DIO2: variants seen among roughly 807,000 people sequenced by gnomAD.
DIO2 encodes the protein type II iodothyronine deiodinase.
A neutral mutation model predicts 21.4 loss-of-function variants in DIO2; 19 were observed. The observed-to-expected ratio is 0.89, with a 90% CI of 0.62 to 1.30. The LOEUF is 1.30. DIO2 is among the 50% of genes most tolerant of loss of function. The pLI, the probability that DIO2 is intolerant of heterozygous loss-of-function variation, is 0.00. For synonymous variants in DIO2, 122 were observed against 132.9 expected (o/e 0.92, Z 0.57); for missense variants, 302 against 338.1 (o/e 0.89, Z 0.84).
upstream of DIO2, among the ~76,000 whole-genome samples, chr14:80,215,718 A>G (rs1353565055): frequency 2.0e-5 from 3 of 152,256 alleles, no homozygotes; most frequent in Non-Finnish European, 4.4e-5. Context: ...ATTTGAGAAT[A>G]TGGTTGCCAT....
chr14:80,228,203 C>T (rs748615668), intron 2 of DIO2, among the ~76,000 whole-genome samples: 9 of 152,208 alleles, frequency 5.9e-5, no homozygotes, highest in South Asian at 2.1e-4. Context: ...AGTTGATATA[C>T]CCCTGAAGTA....
Position 80,202,722 on chromosome 14 carries a change from G to A in DIO2, c.789C>T (p.Ser263=). The change falls in exon 2 of 2, where the codon AGC becomes AGT. Residue 263 remains serine, a synonymous_variant. Coordinates refer to ENST00000438257, the MANE Select transcript of DIO2 (RefSeq NM_013989.5). ...EVRHWLEKNF[S]KRUKKTRLAG ...CTAATCTAGTTTTCTTTCATCTCTT[G>A]CTGAAATTCTTCTCCAGCCAATGCC... The A allele has an allele frequency of 6.2e-7, 1 of 1,613,542 alleles. No homozygotes were observed. The highest frequency in any genetic ancestry group is 8.5e-7 in the Non-Finnish European group (1 of 1,179,710).
intron 2 of DIO2, among the ~76,000 whole-genome samples, chr14:80,219,756 G>A (rs1426980686): frequency 6.6e-6 from 1 of 152,114 alleles, no homozygotes; most frequent in East Asian, 1.9e-4. Context: ...CCAAATCTGT[G>A]TGAAGCCAGA....
chr14:80,223,287 A>G (rs2140020313), intron 2 of DIO2, among the ~76,000 whole-genome samples: 1 of 152,320 alleles, frequency 6.6e-6, no homozygotes, highest in South Asian at 2.1e-4. Context: ...TTGGCTTAAC[A>G]TATAGCCCCT....
chr14:80,212,557 C>A (rs766990342), upstream of DIO2, among the ~76,000 whole-genome samples: 1 of 152,046 alleles, frequency 6.6e-6, no homozygotes, highest in Non-Finnish European at 1.5e-5. Flanking sequence ...TCCTGGAAGG[C>A]AGGTAGAAAA....
rs550599606 is a variant in DIO2, at chr14:80,210,741, C to T, written c.222+510G>A. 6.4e-4 allele frequency among the ~76,000 whole-genome samples: 98 copies of T among 152,236 alleles called. 3 individuals are homozygous for T. In the South Asian group the frequency reaches 0.02, roughly 31 times the overall value. On this transcript the variant is annotated intron_variant, in intron 1 of 1. Coordinates refer to ENST00000438257, the MANE Select transcript of DIO2 (RefSeq NM_013989.5). Reference sequence around the variant, plus strand: ...TACCAGAAACCAAGCAGCTATGATGCCCAATCACAATTTCTATGACCACTT... The same window carrying T: ...TACCAGAAACCAAGCAGCTATGATGTCCAATCACAATTTCTATGACCACTT...
intron 1 of DIO2, among the ~76,000 whole-genome samples, chr14:80,204,092 A>T (rs954736271): frequency 4.6e-5 from 7 of 151,998 alleles, no homozygotes; most frequent in South Asian, 2.1e-4. Context: ...TTGTTTTTTT[A>T]AATGCCCTGA....
intron 1 of DIO2, chr14:80,205,755 A>C (rs1281294401): frequency 7.9e-7 from 1 of 1,264,544 alleles, no homozygotes; most frequent in African/African-American, 1.6e-5. Context: ...AAAAATTAGG[A>C]AAGTTACCAA....
At chr14:80,213,495 G>A (rs150554032), upstream of DIO2, among the ~76,000 whole-genome samples, 637 of 152,222 alleles carry the variant, frequency 4.2e-3, 1 homozygote, top group African/African-American at 0.015. Flanking sequence ...GCATATTAAT[G>A]CATTTTGTTT....
intron 2 of DIO2, among the ~76,000 whole-genome samples, chr14:80,225,199 T>C (rs963889557): frequency 2.0e-5 from 3 of 152,094 alleles, no homozygotes; most frequent in African/African-American, 7.2e-5. Flanking sequence ...GAACAATACT[T>C]TGCATCCTTC....
chr14:80,221,216 G>A (rs1888457118), intron 2 of DIO2, among the ~76,000 whole-genome samples: 1 of 152,156 alleles, frequency 6.6e-6, no homozygotes, highest in East Asian at 1.9e-4. Context: ...TGGTATTATT[G>A]TCTACAGAAA....
intron 2 of DIO2, among the ~76,000 whole-genome samples, chr14:80,223,473 A>G (rs1414476741): frequency 1.3e-5 from 2 of 152,232 alleles, no homozygotes; most frequent in Non-Finnish European, 2.9e-5. Context: ...TGAAGGAATT[A>G]TACTACAATA....
chr14:80,211,509 T>C (rs777006473), upstream of DIO2: 3 of 1,243,738 alleles, frequency 2.4e-6, no homozygotes, highest in Non-Finnish European at 3.2e-6. Flanking sequence ...TTGTGCGCTC[T>C]GGTTCCCCTT....
chr14:80,211,520 C>T, upstream of DIO2: 1 of 1,312,446 alleles, frequency 7.6e-7, no homozygotes, highest in South Asian at 1.4e-5. Flanking sequence ...GGTTCCCCTT[C>T]ACCCTCTTAT....
chr14:80,211,440 T>G lies in DIO2; in HGVS notation c.33A>C (p.Thr11=). ...AGAAAAAAACTGGCAGAATTTGCAG[T>G]GTGATCAGCAAGTCTACGCTGAGGA... The part of the protein sequence containing the change: MGILSVDLLI[T]LQILPVFFSN... The change falls in exon 1 of 2, where the codon ACA becomes ACC. Residue 11 remains threonine, a synonymous_variant. Transcript: ENST00000438257. 6.2e-7 allele frequency: 1 copy of G among 1,612,026 alleles called. No individual in the cohort carries two copies. Among genetic ancestry groups the G allele is most frequent in the Non-Finnish European group, 8.5e-7 (1 of 1,179,280 alleles).
intron 2 of DIO2, among the ~76,000 whole-genome samples, chr14:80,218,198 C>A (rs1888394167): frequency 6.6e-6 from 1 of 151,286 alleles, no homozygotes; most frequent in African/African-American, 2.4e-5. Context: ...AACAAACAAA[C>A]AAACAAAAAC....
At chr14:80,205,936 C>T (rs225010) in intron 1 of DIO2, among the ~76,000 whole-genome samples, 77,271 of 151,844 alleles carry the variant, frequency 0.51, 20,649 homozygotes, top group East Asian at 0.74. Context: ...ATTTGGGTGA[C>T]GGATAAGCTC....
chr14:80,228,841 A>G (rs897782046), intron 2 of DIO2, among the ~76,000 whole-genome samples: 1 of 152,164 alleles, frequency 6.6e-6, no homozygotes, highest in Admixed American at 6.6e-5. Flanking sequence ...GAGGACCACA[A>G]TGACATTTTG....
rs1026328639 is a variant in DIO2 at position 80,201,786 on chromosome 14, C to A, written c.*903G>T. 1 of 152,130 alleles carries A rather than the reference C, an allele frequency of 6.6e-6. No individual in the cohort carries two copies. Among genetic ancestry groups the A allele is most frequent in the Non-Finnish European group, 1.5e-5 (1 of 68,050 alleles). The allele number at this position is 152,130 out of a possible 1,614,324, so 9.4% of individuals were successfully genotyped here. On this transcript the variant is annotated 3_prime_UTR_variant, in exon 2 of 2. Transcript: ENST00000438257. Reference sequence around the variant, plus strand: ...AGTATTTTTTTTTCTTTCAATCACCCCTTTCTCCTCTCTAGGAGCATATGA... The same window carrying A: ...AGTATTTTTTTTTCTTTCAATCACCACTTTCTCCTCTCTAGGAGCATATGA...
Sources: allele counts gnomAD v4.1 joint callset (sites outside exome capture counted in the v4.1 genomes callset), GRCh38; gene constraint gnomAD v4.1.1; transcripts MANE v1.5; gene names NCBI Gene and HGNC (gene_info 2026-07-23, HGNC 2026-07-21).